The following PIK3C3 variants were observed in gnomAD, a reference collection of about 807,000 sequenced individuals.
The protein encoded by PIK3C3 is PI3-kinase type 3.
A neutral mutation model predicts 126.1 loss-of-function variants in PIK3C3; 95 were observed. That is an observed-to-expected ratio of 0.75 (90% CI 0.64 to 0.89). The LOEUF (loss-of-function observed/expected upper bound fraction) is 0.89, where lower values mean the gene tolerates loss of function less well. Among genes scored for constraint, PIK3C3 ranks in the 40% least tolerant of loss-of-function variants. The probability of loss-of-function intolerance (pLI) is 0.00; values close to 1 mark genes in which losing one functional copy is unlikely to be tolerated. For synonymous variants in PIK3C3, 374 were observed against 360.0 expected, an observed-to-expected ratio of 1.04 and a Z score of -0.44; for missense variants, 829 against 1,063.2, an observed-to-expected ratio of 0.78 and a Z score of 3.06.
intron 15 of PIK3C3, among the ~76,000 whole-genome samples, chr18:42,031,463 C>T (rs773824775): frequency 2.0e-5 from 3 of 152,120 alleles, no homozygotes; most frequent in Non-Finnish European, 2.9e-5. Context: ...GTCGTCCAGG[C>T]TGCAGTACCA....
rs1265241271 is a variant in PIK3C3, at chr18:41,955,291, G to A, written c.-1G>A. On this transcript the variant is annotated 5_prime_UTR_variant, in exon 1 of 25. Coordinates refer to ENST00000262039, the MANE Select transcript of PIK3C3 (RefSeq NM_002647.4). ...TAGGTGGTACCTTTGCAGACGGTGC[G>A]ATGGGGGAAGCAGAGAAGTTTCACT... 1 of 1,612,934 alleles carries A rather than the reference G, an allele frequency of 6.2e-7. No homozygotes were observed.
intron 9 of PIK3C3, among the ~76,000 whole-genome samples, chr18:42,001,937 A>T (rs1982310536): frequency 6.6e-6 from 1 of 152,218 alleles, no homozygotes; most frequent in African/African-American, 2.4e-5. Flanking sequence ...TCATGGAATA[A>T]GTTAGTAGGG....
intron 22 of PIK3C3, 116 bp from the exon 23 acceptor site, chr18:42,064,624 A>T: frequency 3.3e-6 from 2 of 598,168 alleles, no homozygotes; most frequent in Non-Finnish European, 6.1e-6. Context: ...TTCTGCTGGA[A>T]TAATAGTAAT....
chr18:41,996,407 A>C (rs1040865904), intron 8 of PIK3C3, among the ~76,000 whole-genome samples: 2 of 152,160 alleles, frequency 1.3e-5, no homozygotes, highest in African/African-American at 2.4e-5. Flanking sequence ...TCTCCAGTTA[A>C]ATATTTTCCT....
At chr18:41,960,326 G>A (rs997561227) in intron 2 of PIK3C3, among the ~76,000 whole-genome samples, 2 of 152,016 alleles carry the variant, frequency 1.3e-5, no homozygotes, top group Admixed American at 6.6e-5. Flanking sequence ...TATTCTTTAG[G>A]GAAGTAGTTT....
At chr18:42,076,148 AT>A (rs1986003796) in intron 24 of PIK3C3, among the ~76,000 whole-genome samples, 1 of 59,418 alleles carries the variant, frequency 1.7e-5, no homozygotes, top group Non-Finnish European at 2.6e-5. Context: ...ATATATGCGC[AT>A]ATATATATAT....
At chr18:42,060,890 A>G (rs1233051438) in intron 22 of PIK3C3, among the ~76,000 whole-genome samples, 3 of 152,224 alleles carry the variant, frequency 2.0e-5, no homozygotes, top group Non-Finnish European at 4.4e-5. Flanking sequence ...GGTCACATAC[A>G]TCATTAACTA....
rs753401224 is a variant in PIK3C3, at chr18:42,040,699, A to G, written c.2061A>G (p.Ser687=). Residue 687 remains serine, a synonymous_variant, in exon 19 of 25, where the codon TCA becomes TCG. Transcript: ENST00000262039. ...TAGGCTTCATGCAGTTTATCCAGTC[A>G]GTTCCTGTGGCTGAAGTTCTTGATA... ...TKHGFMQFIQ[S]VPVAEVLDTE... 38 of 1,611,408 alleles carry G rather than the reference A, an allele frequency of 2.4e-5. No homozygotes were observed. The highest frequency in any genetic ancestry group is 6.7e-5 in the Admixed American group (4 of 59,942).
chr18:41,978,056 G>A (rs1981019708), intron 4 of PIK3C3, among the ~76,000 whole-genome samples: 1 of 152,118 alleles, frequency 6.6e-6, no homozygotes, highest in Non-Finnish European at 1.5e-5. Context: ...CAGTCTCCCG[G>A]ACTCAAGTGA....
rs112564263 is a variant in PIK3C3, at chr18:41,959,708, C to T, written c.257+1950C>T. Among the ~76,000 whole-genome samples the T allele has an allele frequency of 4.5e-3, 683 of 152,022 alleles. 3 individuals carry two copies. Among genetic ancestry groups the T allele is most frequent in the African/African-American group, 0.016 (649 of 41,444 alleles). ...ACTTGGGAGGCTAAGGCAGGAGAAT[C>T]GCCGGAACCCAGGAGGCAGAGGTTG... On this transcript the variant is annotated intron_variant, in intron 2 of 24. Coordinates refer to ENST00000262039, the MANE Select transcript of PIK3C3 (RefSeq NM_002647.4).
At chr18:42,052,764 A>G (rs1276738232) in intron 21 of PIK3C3, 8 of 152,174 alleles carry the variant, frequency 5.3e-5, no homozygotes, top group African/African-American at 1.9e-4. Context: ...ATATATTCCA[A>G]TGTTTTTAGT....
chr18:42,067,517 A>C lies in PIK3C3; in HGVS notation c.2649+4A>C, dbSNP rs1298774815. ...ACAGATTCACAAGTTTGCCCAGGTA[A>C]GTTCCCTGAGTGCAGTGCATTTTTC... is the stretch of plus-strand genomic sequence containing the variant. On this transcript the variant is annotated splice_donor_region_variant and intron_variant, in intron 24 of 24. Coordinates refer to ENST00000262039, the MANE Select transcript of PIK3C3 (RefSeq NM_002647.4). 3.7e-6 allele frequency: 6 copies of C among 1,614,018 alleles called. No individual in the cohort carries two copies. The highest frequency in any genetic ancestry group is 1.1e-5 in the South Asian group (1 of 91,058).
chr18:42,048,300 T>C (rs1224181788), intron 20 of PIK3C3, among the ~76,000 whole-genome samples: 3 of 152,232 alleles, frequency 2.0e-5, no homozygotes, highest in Admixed American at 1.3e-4. Context: ...CTTGCCCTTT[T>C]CCTTATGGTC....
In PIK3C3 at chr18:42,035,128, A is replaced by G. The variant is rs527241669; in HGVS notation, c.1839+1171A>G. Among the ~76,000 whole-genome samples the G allele has an allele frequency of 2.4e-3, 363 of 152,296 alleles. 4 individuals carry two copies. The highest frequency in any genetic ancestry group is 4.4e-3 in the Non-Finnish European group (297 of 68,010). ...AAAAATACTGGTATTACTATATGCAATTTGAAAATACTGGTATAGGAGATA... is the reference window on the plus strand; with the variant it reads ...AAAAATACTGGTATTACTATATGCAGTTTGAAAATACTGGTATAGGAGATA... On this transcript the variant is annotated intron_variant, in intron 16 of 24. Transcript: ENST00000262039.
chr18:42,037,278 GATAT>G (rs2144462092), intron 16 of PIK3C3, among the ~76,000 whole-genome samples: 1 of 152,272 alleles, frequency 6.6e-6, no homozygotes, highest in South Asian at 2.1e-4. Flanking sequence ...AATGATGATA[GATAT>G]ATAAAGAATG....
chr18:42,007,898 T>G (rs927052041), intron 10 of PIK3C3, among the ~76,000 whole-genome samples: 4 of 152,206 alleles, frequency 2.6e-5, no homozygotes, highest in African/African-American at 7.2e-5. Flanking sequence ...AGTATTTCAC[T>G]CTAATGTGTG....
intron 15 of PIK3C3, among the ~76,000 whole-genome samples, chr18:42,030,785 G>A (rs978416652): frequency 1.3e-5 from 2 of 152,200 alleles, no homozygotes; most frequent in Non-Finnish European, 2.9e-5. Flanking sequence ...CCCACCAGCA[G>A]AGGGAGTGTC....
chr18:42,065,821 TA>T (rs1371366194), intron 23 of PIK3C3, among the ~76,000 whole-genome samples: 1 of 152,222 alleles, frequency 6.6e-6, no homozygotes, highest in Non-Finnish European at 1.5e-5. Context: ...CAGCCTAACA[TA>T]AGTCAGTAAA....
chr18:42,082,706 G>A lies in PIK3C3; in HGVS notation c.*1569G>A, dbSNP rs1986292977. On this transcript the variant is annotated 3_prime_UTR_variant, in exon 25 of 25. Transcript: ENST00000262039. ...TTCTTCCGTGTGAACTCCTACACTTGCATCTCCTATTTCAGGATTTGGCAT... is the reference window on the plus strand; with the variant it reads ...TTCTTCCGTGTGAACTCCTACACTTACATCTCCTATTTCAGGATTTGGCAT... The A allele has an allele frequency of 2.0e-5, 3 of 152,196 alleles. No homozygotes were observed. The South Asian group carries it at 6.2e-4, about 32-fold the overall frequency. The allele number at this position is 152,196 out of a possible 1,614,324, so 9.4% of individuals were successfully genotyped here.
Sources: gnomAD v4.1 joint callset for allele counts (sites outside exome capture counted in the v4.1 genomes callset) on GRCh38, gnomAD v4.1.1 for gene constraint, MANE v1.5 for transcripts, NCBI Gene and HGNC (gene_info 2026-07-23, HGNC 2026-07-21) for gene names.